The following ERG variants were observed in gnomAD, a reference collection of about 807,000 sequenced individuals.
ERG encodes ETS transcription factor ERG.
ERG carries 9 observed loss-of-function variants against 55.3 expected under a neutral mutation model. The ratio of observed to expected loss-of-function variants is 0.16; its 90% CI spans 0.10 to 0.28. The LOEUF is 0.28. ERG is among the 10% of genes least tolerant of loss of function. The pLI, the probability that ERG is intolerant of heterozygous loss-of-function variation, is 1.00. For missense variants in ERG, 434 were observed against 631.6 expected (o/e 0.69, Z 3.35); for synonymous variants, 223 against 237.3 (o/e 0.94, Z 0.55).
Position 38,382,592 on chromosome 21 carries a change from A to C in ERG, c.*811T>G, listed in dbSNP as rs1405747177. 1 of 1,066,016 alleles carries C rather than the reference A, an allele frequency of 9.4e-7. No individual in the cohort carries two copies. The highest frequency in any genetic ancestry group is 1.6e-5 in the African/African-American group (1 of 61,080). 66.0% of individuals were successfully genotyped at this position (1,066,016 alleles called of 1,614,324 possible). On this transcript the variant is annotated 3_prime_UTR_variant, in exon 10 of 10. Coordinates refer to ENST00000288319, the MANE Select transcript of ERG (RefSeq NM_182918.4). ...ACTGCATGAACCCTCGAGTCTCCATAACTCATTGTACACAGTCCCCAAATG... is the reference window on the plus strand; with the variant it reads ...ACTGCATGAACCCTCGAGTCTCCATCACTCATTGTACACAGTCCCCAAATG...
At chr21:38,479,604 T>C (rs1026511463) in intron 1 of ERG, among the ~76,000 whole-genome samples, 6 of 152,106 alleles carry the variant, frequency 3.9e-5, no homozygotes, top group African/African-American at 1.4e-4. Context: ...AAGGGATGCA[T>C]CTACAGCAGT....
At chr21:38,568,386 G>T (rs541493886) in intron 2 of ERG, among the ~76,000 whole-genome samples, 2 of 152,114 alleles carry the variant, frequency 1.3e-5, no homozygotes, top group African/African-American at 4.8e-5. Context: ...TTTATTCCTC[G>T]TGATTCTATG....
At chr21:38,394,644 G>A (rs115124943) in intron 6 of ERG, among the ~76,000 whole-genome samples, 7 of 152,236 alleles carry the variant, frequency 4.6e-5, no homozygotes, top group East Asian at 1.9e-4. Flanking sequence ...GAGCCACCGC[G>A]CCTGGCCTCA....
chr21:38,515,533 A>C (rs1903774579), intron 2 of ERG, among the ~76,000 whole-genome samples: 1 of 152,002 alleles, frequency 6.6e-6, no homozygotes, highest in Non-Finnish European at 1.5e-5. Flanking sequence ...AGCCATTTCA[A>C]AAAATTAAAG....
chr21:38,426,801 A>G (rs1325903829), intron 2 of ERG, among the ~76,000 whole-genome samples: 1 of 151,814 alleles, frequency 6.6e-6, no homozygotes, highest in African/African-American at 2.4e-5. Context: ...GTGGTGGTGC[A>G]TGCCCGTAAT....
chr21:38,489,457 T>C (rs78008967), intron 1 of ERG, among the ~76,000 whole-genome samples: 5,131 of 152,306 alleles, frequency 0.034, 186 homozygotes, highest in East Asian at 0.13. Context: ...TTAACCGAGT[T>C]CATACTGTTT....
intron 1 of ERG, among the ~76,000 whole-genome samples, chr21:38,639,947 A>G (rs1386091951): frequency 6.6e-6 from 1 of 152,204 alleles, no homozygotes; most frequent in African/African-American, 2.4e-5. Context: ...GCCTGGAAAC[A>G]GCCGGTTCCA....
rs2146448793 is a variant in ERG, at chr21:38,400,605, A to G, written c.714T>C (p.Pro238=). The stretch of plus-strand genomic sequence containing the variant: ...TAGTTGTAATTCTTTGCGTAGCTTC[A>G]GGATATACTGAAGTATTTGGGAAAA... ...AFIFPNTSVY[P]EATQRITTRP... The change falls in exon 6 of 10, where the codon CCT becomes CCC. Residue 238 remains proline (P), a synonymous_variant. Coordinates refer to ENST00000288319, the MANE Select transcript of ERG (RefSeq NM_182918.4). The G allele has an allele frequency of 1.2e-6, 2 of 1,613,348 alleles. No individual in the cohort carries two copies. Among genetic ancestry groups the G allele is most frequent in the Non-Finnish European group, 1.7e-6 (2 of 1,179,288 alleles).
rs1315037125 is a variant in ERG, at chr21:38,400,644, C to T, written c.675G>A (p.Gly225=). The change falls in exon 6 of 10, where the codon GGG becomes GGA. Residue 225 remains glycine, a splice_region_variant and synonymous_variant. Coordinates refer to ENST00000288319, the MANE Select transcript of ERG (RefSeq NM_182918.4). ...TATTTGGGAAAATAAAAGCTGCACC[C>T]CCTGCAGACAAAAGGAAAGACAAAC... ...SPRLMHARNT[G]GAAFIFPNTS... is the part of the protein sequence containing the mutation. The T allele has an allele frequency of 2.5e-6, 4 of 1,600,550 alleles. No individual in the cohort carries two copies. Among genetic ancestry groups the T allele is most frequent in the African/African-American group, 1.3e-5 (1 of 74,622 alleles).
intron 1 of ERG, among the ~76,000 whole-genome samples, chr21:38,622,571 C>T (rs1337077794): frequency 1.3e-5 from 2 of 148,490 alleles, no homozygotes; most frequent in African/African-American, 2.5e-5. Flanking sequence ...CGCACACATG[C>T]TCATATGTAC....
chr21:38,498,504 A>G (rs2059397842), upstream of ERG: 2 of 1,456,990 alleles, frequency 1.4e-6, no homozygotes, highest in Non-Finnish European at 1.8e-6. The surrounding 1 kb of genome is among the most constrained non-coding windows in gnomAD (Gnocchi z 4.6). Flanking sequence ...TGGGAAATGA[A>G]GTCAGCCAAT....
chr21:38,477,007 CTTTTTTTTTT>C (rs397867221), intron 1 of ERG, among the ~76,000 whole-genome samples: 3 of 84,156 alleles, frequency 3.6e-5, no homozygotes, highest in East Asian at 8.0e-4. Flanking sequence ...TCTTTCTTTC[CTTTTTTTTTT>C]TTTTTTTTTT....
intron 2 of ERG, among the ~76,000 whole-genome samples, chr21:38,511,640 T>C (rs779129341): frequency 4.6e-5 from 7 of 152,232 alleles, no homozygotes; most frequent in Non-Finnish European, 8.8e-5. Context: ...AATTTTAAGA[T>C]ACATCCCAAT....
Position 38,597,057 on chromosome 21 carries a change from ATCT to A in ERG, c.-149-12115_-149-12113del, listed in dbSNP as rs1045792023. ...CTTGGCTGTTCTTTTTAATGGTAAT[ATCT>A]TCTTCTTCCTGCAGCACCGGGCTGT... On this transcript the variant is annotated intron_variant, in intron 1 of 10. Transcript: ENST00000398910. Among the ~76,000 whole-genome samples the A allele has an allele frequency of 1.9e-4, 29 of 152,320 alleles. 1 individual carries two copies. Among genetic ancestry groups the A allele is most frequent in the Admixed American group, 1.4e-3 (22 of 15,306 alleles).
intron 2 of ERG, among the ~76,000 whole-genome samples, chr21:38,569,849 ATGTAATCTG>A (rs1179302253): frequency 1.3e-5 from 2 of 152,106 alleles, no homozygotes; most frequent in Non-Finnish European, 2.9e-5. Flanking sequence ...ATCATATTGT[ATGTAATCTG>A]TGACTTTTTT....
At chr21:38,432,979 G>A (rs1278212866) in intron 2 of ERG, among the ~76,000 whole-genome samples, 1 of 152,210 alleles carries the variant, frequency 6.6e-6, no homozygotes, top group Non-Finnish European at 1.5e-5. Context: ...TCATGGATGA[G>A]GGTTACAGAC....
chr21:38,479,639 C>A (rs1240578184), intron 1 of ERG, among the ~76,000 whole-genome samples: 2 of 152,170 alleles, frequency 1.3e-5, no homozygotes, highest in Non-Finnish European at 2.9e-5. Flanking sequence ...GGGGGACACA[C>A]TACAAGACCC....
chr21:38,587,987 G>A (rs73217909), upstream of ERG, among the ~76,000 whole-genome samples: 8,386 of 152,154 alleles, frequency 0.055, 385 homozygotes, highest in Admixed American at 0.15. Context: ...GCATTATGGC[G>A]TTATTAATAT....
chr21:38,502,472 C>A, upstream of ERG: 1 of 159,896 alleles, frequency 6.3e-6, no homozygotes. Flanking sequence ...CAGACATGTC[C>A]AAGGAATATT....
Sources: allele counts gnomAD v4.1 joint callset (sites outside exome capture counted in the v4.1 genomes callset), GRCh38; gene constraint gnomAD v4.1.1; non-coding constraint Gnocchi (gnomAD v3.1); transcripts MANE v1.5; gene names NCBI Gene and HGNC (gene_info 2026-07-23, HGNC 2026-07-21).